The following ELL2 variants were observed in gnomAD, a reference collection of about 807,000 sequenced individuals.
ELL2 encodes RNA polymerase II elongation factor ELL2.
A neutral mutation model predicts 72.8 loss-of-function variants in ELL2; 21 were observed. That is an observed-to-expected ratio of 0.29 (90% confidence interval 0.20 to 0.42). ELL2 has a LOEUF of 0.42. ELL2 is among the 10% of genes least tolerant of loss of function. ELL2 has a pLI of 1.00. For synonymous variants in ELL2, 266 were observed against 283.2 expected (o/e 0.94, Z 0.61); for missense variants, 568 against 772.8 (o/e 0.73, Z 3.14).
At chr5:95,938,855 G>A (rs946168406) in intron 2 of ELL2, among the ~76,000 whole-genome samples, 1 of 152,146 alleles carries the variant, frequency 6.6e-6, no homozygotes, top group Non-Finnish European at 1.5e-5. Context: ...AACAAATACT[G>A]AGTTAATACC....
At chr5:95,889,898 T>A in intron 10 of ELL2, among the ~76,000 whole-genome samples, 1 of 113,482 alleles carries the variant, frequency 8.8e-6, no homozygotes, top group Non-Finnish European at 1.8e-5. Flanking sequence ...AGGGGGGGAG[T>A]CAGGTGCCTG....
At chr5:95,941,851 A>G (rs3777175) in intron 2 of ELL2, among the ~76,000 whole-genome samples, 41,542 of 152,154 alleles carry the variant, frequency 0.27, 6,280 homozygotes, top group African/African-American at 0.41. Flanking sequence ...TAAGCCCTCA[A>G]ATAGAAAATC....
chr5:95,927,434 C>CATACACACACGT (rs1491437088), intron 2 of ELL2, among the ~76,000 whole-genome samples: 1 of 47,900 alleles, frequency 2.1e-5, no homozygotes, highest in Non-Finnish European at 3.4e-5. Flanking sequence ...TACACACACA[C>CATACACACACGT]GTGTGTATAT....
At chr5:95,915,831 A>AT (rs761147971) in intron 3 of ELL2, among the ~76,000 whole-genome samples, 4 of 152,164 alleles carry the variant, frequency 2.6e-5, no homozygotes, top group Non-Finnish European at 4.4e-5. Flanking sequence ...GGGAAGGACA[A>AT]TTACAGCTGA....
intron 1 of ELL2, 80 bp downstream of exon 1, chr5:95,961,495 G>A (rs1471876303): frequency 4.4e-6 from 6 of 1,351,406 alleles, no homozygotes; most frequent in East Asian, 3.1e-5. Context: ...CGGCTCCGCC[G>A]GCCCCGCACC....
chr5:95,945,016 T>C (rs977658929), intron 1 of ELL2, among the ~76,000 whole-genome samples: 10 of 152,178 alleles, frequency 6.6e-5, no homozygotes, highest in Admixed American at 2.6e-4. Context: ...TCCTTTCCTC[T>C]TTCTAGATCC....
At position 95,961,446 on chromosome 5, in the gene ELL2, C is replaced by T. The variant is rs952257452; in HGVS notation, c.147+129G>A. Reference sequence around the variant, plus strand: ...GCCACCCTGCCCGGCCCTGCCCTGCCTGGCCGCTGCGGGCGCTGACGGTAG... The same window carrying T: ...GCCACCCTGCCCGGCCCTGCCCTGCTTGGCCGCTGCGGGCGCTGACGGTAG... On this transcript the variant is annotated intron_variant, in intron 1 of 11. Transcript: ENST00000237853. 1.4e-5 allele frequency: 17 copies of T among 1,204,442 alleles called. No homozygotes were observed. In the African/African-American group the frequency reaches 2.6e-4, roughly 18 times the overall value. 74.6% of individuals were successfully genotyped at this position (1,204,442 alleles called of 1,614,324 possible).
intron 2 of ELL2, among the ~76,000 whole-genome samples, chr5:95,925,494 G>T (rs1750250945): frequency 6.6e-6 from 1 of 152,160 alleles, no homozygotes; most frequent in South Asian, 2.1e-4. Context: ...TATAAGCTCT[G>T]CAAGGACAGA....
At chr5:95,934,249 T>G (rs536163742) in intron 2 of ELL2, among the ~76,000 whole-genome samples, 3 of 152,276 alleles carry the variant, frequency 2.0e-5, no homozygotes, top group African/African-American at 7.2e-5. Context: ...TAAGTGGTTA[T>G]TAAACCCTAG....
Position 95,923,486 on chromosome 5 carries a change from T to C in ELL2, c.196-3941A>G, listed in dbSNP as rs371806177. 5.9e-5 allele frequency among the ~76,000 whole-genome samples: 9 copies of C among 152,284 alleles called. 1 individual carries two copies. Among genetic ancestry groups the C allele is most frequent in the African/African-American group, 1.9e-4 (8 of 41,576 alleles). ...CGGCAGGGGCAGGCATCAGGGCAAA[T>C]AGTGTTCACTTTGGGACCAAAGGGT... is the stretch of plus-strand genomic sequence containing the variant. On this transcript the variant is annotated intron_variant, in intron 2 of 11. Transcript: ENST00000237853.
chr5:95,898,876 A>G (rs1748999886), intron 7 of ELL2, 66 bp from the exon 8 acceptor site: 1 of 1,229,724 alleles, frequency 8.1e-7, no homozygotes, highest in Non-Finnish European at 1.1e-6. Flanking sequence ...CAATACATGC[A>G]TGGCTGGTTA....
intron 2 of ELL2, among the ~76,000 whole-genome samples, chr5:95,929,571 T>C (rs1432353654): frequency 6.6e-6 from 1 of 152,104 alleles, no homozygotes; most frequent in Non-Finnish European, 1.5e-5. Flanking sequence ...TTACCCACTT[T>C]TATATATATT....
At chr5:95,950,186 A>G (rs1382945839) in intron 1 of ELL2, among the ~76,000 whole-genome samples, 1 of 152,218 alleles carries the variant, frequency 6.6e-6, no homozygotes, top group African/African-American at 2.4e-5. Flanking sequence ...AAAAGTAAAT[A>G]AGTAGACATG....
chr5:95,953,388 C>T (rs1259031001), intron 1 of ELL2, among the ~76,000 whole-genome samples: 1 of 152,170 alleles, frequency 6.6e-6, no homozygotes, highest in African/African-American at 2.4e-5. Flanking sequence ...ATTACATGGA[C>T]ACTTTTTCTG....
At chr5:95,949,992 G>C (rs1033690618) in intron 1 of ELL2, among the ~76,000 whole-genome samples, 1 of 152,172 alleles carries the variant, frequency 6.6e-6, no homozygotes. Flanking sequence ...TAAGTGACCT[G>C]GGGCTCAGAA....
chr5:95,910,142 T>A (rs897681570), intron 4 of ELL2, among the ~76,000 whole-genome samples: 1 of 152,092 alleles, frequency 6.6e-6, no homozygotes, highest in South Asian at 2.1e-4. Flanking sequence ...GGACCTTAGA[T>A]CTTGTCTAGT....
chr5:95,928,031 G>A (rs3777183), intron 2 of ELL2, among the ~76,000 whole-genome samples: 44,120 of 151,036 alleles, frequency 0.29, 6,611 homozygotes, highest in East Asian at 0.4. Context: ...GTATTTAGAA[G>A]AACACAGGTG....
In ELL2 at chr5:95,906,774, C is replaced by T. The variant is rs749924463; in HGVS notation, c.490G>A (p.Val164Met). The change falls in exon 5 of 12, where the codon GTG becomes ATG. Residue 164 changes from valine (V) to methionine (M), a missense_variant. Val to Met is a conservative substitution (Grantham distance 21, BLOSUM62 1). This residue lies in a region of ELL2 where 511 missense variants were observed against 728.4 expected (regional missense o/e 0.70). Coordinates refer to ENST00000237853, the MANE Select transcript of ELL2 (RefSeq NM_012081.6). ...KPGGPYVGKR[V>M]QIRKAPQAVS... Reference sequence around the variant, plus strand: ...GCTTGAGGTGCTTTCCGAATTTGCACTCTTTTCCCTAAAGTCCAGTGGAAA... The same window carrying T: ...GCTTGAGGTGCTTTCCGAATTTGCATTCTTTTCCCTAAAGTCCAGTGGAAA... 3.7e-6 allele frequency: 6 copies of T among 1,610,582 alleles called. No homozygotes were observed. Among genetic ancestry groups the T allele is most frequent in the Non-Finnish European group, 5.1e-6 (6 of 1,177,642 alleles).
chr5:95,900,877 T>C (rs1176179465), intron 6 of ELL2, 79 bp downstream of exon 6: 1 of 1,560,134 alleles, frequency 6.4e-7, no homozygotes, highest in Non-Finnish European at 8.6e-7. Context: ...AACACTAAAA[T>C]AACAATGACT....
Sources: allele counts gnomAD v4.1 joint callset (sites outside exome capture counted in the v4.1 genomes callset), GRCh38; gene constraint gnomAD v4.1.1; regional missense constraint gnomAD v4.1.1; transcripts MANE v1.5; gene names NCBI Gene and HGNC (gene_info 2026-07-23, HGNC 2026-07-21).